The following ULK4 variants were observed in gnomAD, a reference collection of about 807,000 sequenced individuals.
The protein encoded by ULK4 is unc-51 like kinase 4.
ULK4 carries 133 observed loss-of-function variants against 160.6 expected under a neutral mutation model. The ratio of observed to expected loss-of-function variants is 0.83; its 90% CI spans 0.72 to 0.96. The LOEUF is 0.96. Among genes scored for constraint, ULK4 ranks in the 40% least tolerant of loss-of-function variants. ULK4 has a pLI of 0.00. For missense variants in ULK4, 1,580 were observed against 1,499.5 expected (o/e 1.05, Z -0.89); for synonymous variants, 534 against 539.8 (o/e 0.99, Z 0.15).
At chr3:41,262,109 C>G (rs1257015636) in intron 35 of ULK4, among the ~76,000 whole-genome samples, 1 of 152,228 alleles carries the variant, frequency 6.6e-6, no homozygotes, top group East Asian at 1.9e-4. Context: ...TCCATTGCTT[C>G]CTGCCCCAGT....
At chr3:41,815,169 A>C (rs57715826) in intron 19 of ULK4, among the ~76,000 whole-genome samples, 4,433 of 152,262 alleles carry the variant, frequency 0.029, 212 homozygotes, top group African/African-American at 0.1. Flanking sequence ...GGCCTCCCAA[A>C]GTGCTGGGAT....
At chr3:41,823,276 G>A (rs1480679074) in intron 18 of ULK4, among the ~76,000 whole-genome samples, 1 of 152,106 alleles carries the variant, frequency 6.6e-6, no homozygotes, top group Admixed American at 6.6e-5. Context: ...ATGGCATAGT[G>A]GGTTTAAGGA....
intron 16 of ULK4, among the ~76,000 whole-genome samples, chr3:41,887,590 C>T (rs982743448): frequency 6.6e-6 from 1 of 152,136 alleles, no homozygotes; most frequent in African/African-American, 2.4e-5. Flanking sequence ...GAGGCCGAGG[C>T]AGGTGAATCA....
intron 35 of ULK4, among the ~76,000 whole-genome samples, chr3:41,376,674 G>C (rs1484690949): frequency 1.3e-5 from 2 of 149,752 alleles, no homozygotes; most frequent in East Asian, 4.2e-4. Flanking sequence ...CAAGGGATGT[G>C]AAGGACCTCT....
chr3:41,858,824 C>CG (rs2042433561), intron 17 of ULK4, among the ~76,000 whole-genome samples: 1 of 151,792 alleles, frequency 6.6e-6, no homozygotes, highest in Non-Finnish European at 1.5e-5. Flanking sequence ...TTTTCCCCCC[C>CG]ATAGAAAGCA....
intron 4 of ULK4, 91 bp downstream of exon 4, chr3:41,935,710 C>T: frequency 2.8e-6 from 4 of 1,438,968 alleles, no homozygotes; most frequent in African/African-American, 1.5e-5. Flanking sequence ...TATTCTATAC[C>T]AAAATTTTAT....
chr3:41,279,471 T>C (rs1384419002), intron 35 of ULK4, among the ~76,000 whole-genome samples: 1 of 152,068 alleles, frequency 6.6e-6, no homozygotes, highest in African/African-American at 2.4e-5. Flanking sequence ...CCCACAAAGA[T>C]ACTCCTTGAG....
chr3:41,283,712 G>A (rs1472910944), intron 35 of ULK4, among the ~76,000 whole-genome samples: 3 of 151,974 alleles, frequency 2.0e-5, no homozygotes, highest in Admixed American at 6.6e-5. Flanking sequence ...GTTGATGGGT[G>A]CAGCAAATCA....
At chr3:41,851,304 C>T (rs994353737) in intron 17 of ULK4, among the ~76,000 whole-genome samples, 5 of 152,110 alleles carry the variant, frequency 3.3e-5, no homozygotes, top group African/African-American at 1.2e-4. Flanking sequence ...TGAATTTTGT[C>T]AAAGGCCTTT....
intron 22 of ULK4, among the ~76,000 whole-genome samples, chr3:41,749,128 C>T (rs2038525855): frequency 6.6e-6 from 1 of 152,222 alleles, no homozygotes; most frequent in African/African-American, 2.4e-5. Flanking sequence ...AACCATTCTG[C>T]TTTTCACTTT....
chr3:41,834,969 G>C (rs1004673212), intron 18 of ULK4, among the ~76,000 whole-genome samples: 2 of 152,148 alleles, frequency 1.3e-5, no homozygotes, highest in African/African-American at 4.8e-5. Context: ...TTGTGCATTG[G>C]AGGACTATAT....
chr3:41,475,035 C>T (rs951667852), intron 32 of ULK4, among the ~76,000 whole-genome samples: 112 of 152,290 alleles, frequency 7.4e-4, no homozygotes, highest in African/African-American at 2.6e-3. Context: ...GAGATATCTG[C>T]ACTCTCATGT....
At chr3:41,686,368 C>T (rs145353048) in intron 27 of ULK4, among the ~76,000 whole-genome samples, 8 of 152,218 alleles carry the variant, frequency 5.3e-5, no homozygotes, top group East Asian at 1.9e-4. Context: ...GAAGGAAGTA[C>T]GTGTTATTGT....
intron 22 of ULK4, among the ~76,000 whole-genome samples, chr3:41,746,363 C>G (rs1195758162): frequency 7.1e-6 from 1 of 140,908 alleles, no homozygotes; most frequent in African/African-American, 2.9e-5. Flanking sequence ...ACAAAAATCA[C>G]ATCAATTAAA....
At chr3:41,893,685 C>T (rs1350960024) in intron 16 of ULK4, among the ~76,000 whole-genome samples, 1 of 151,906 alleles carries the variant, frequency 6.6e-6, no homozygotes, top group Non-Finnish European at 1.5e-5. Context: ...ATATTCACAA[C>T]ATATAAAAAG....
At chr3:41,284,750 CTTAA>C (rs1244977063) in intron 35 of ULK4, among the ~76,000 whole-genome samples, 1 of 152,110 alleles carries the variant, frequency 6.6e-6, no homozygotes, top group Non-Finnish European at 1.5e-5. Context: ...GTAGCTGGGA[CTTAA>C]TTAAACTAAA....
At chr3:41,643,608 T>C (rs200148652) in intron 30 of ULK4, among the ~76,000 whole-genome samples, 25 of 152,306 alleles carry the variant, frequency 1.6e-4, no homozygotes, top group East Asian at 1.9e-4. Context: ...TGTAGTATAG[T>C]TTGAAGTCAG....
rs899970133 is a variant in ULK4, at chr3:41,882,129, C to T, written c.1656+1745G>A. The T allele has an allele frequency of 1.2e-5, 8 of 692,992 alleles. No individual in the cohort carries two copies. In the African/African-American group the frequency reaches 1.4e-4, roughly 12 times the overall value. The allele number at this position is 692,992 out of a possible 1,614,324, so 42.9% of individuals were successfully genotyped here. On this transcript the variant is annotated intron_variant, in intron 17 of 36. Transcript: ENST00000301831. ...GCAGCAAAACACACCATCTTCCAGG[C>T]ACTGCCACACGGAGTCCCAAGAATG...
chr3:41,792,917 G>A (rs2040192914), intron 20 of ULK4, among the ~76,000 whole-genome samples: 1 of 152,220 alleles, frequency 6.6e-6, no homozygotes, highest in Admixed American at 6.5e-5. Flanking sequence ...GCTCACGCCT[G>A]CAATCCCAGC....
Sources: allele counts gnomAD v4.1 joint callset (sites outside exome capture counted in the v4.1 genomes callset), GRCh38; gene constraint gnomAD v4.1.1; transcripts MANE v1.5; gene names NCBI Gene and HGNC (gene_info 2026-07-23, HGNC 2026-07-21).